Variants in NEK11 observed in about 807,000 individuals in gnomAD.
NEK11 encodes the protein NIMA related kinase 11.
NEK11 carries 72 observed loss-of-function variants against 80.7 expected under a neutral mutation model. The ratio of observed to expected loss-of-function variants is 0.89; its 90% confidence interval spans 0.74 to 1.08. NEK11 has a LOEUF of 1.08. Ranked by LOEUF, NEK11 falls within the 50% of genes least tolerant of loss-of-function variation. The pLI is 0.00. For missense variants in NEK11, 764 were observed against 763.6 expected (o/e 1.00, Z -0.01); for synonymous variants, 251 against 260.7 (o/e 0.96, Z 0.36).
Position 131,228,510 on chromosome 3 carries a change from G to A in NEK11, c.1400-18G>A, listed in dbSNP as rs1381953484. 1 of 1,590,710 alleles carries A rather than the reference G, an allele frequency of 6.3e-7. No homozygotes were observed. The highest frequency in any genetic ancestry group is 2.2e-5 in the East Asian group (1 of 44,722). On this transcript the variant is annotated intron_variant, in intron 14 of 17. Transcript: ENST00000383366. Reference sequence around the variant, plus strand: ...TTTTAATAACTGGTAGTATCTGACTGTTTGTTCATTATTTCAGAGATCCCA... The same window carrying A: ...TTTTAATAACTGGTAGTATCTGACTATTTGTTCATTATTTCAGAGATCCCA...
chr3:131,272,769 C>A (rs995136963), intron 16 of NEK11, among the ~76,000 whole-genome samples: 13 of 152,104 alleles, frequency 8.5e-5, no homozygotes, highest in Non-Finnish European at 1.3e-4. Flanking sequence ...AGCCACTGCA[C>A]CCAACCCAGT....
chr3:131,307,205 T>C (rs2096732136), intron 17 of NEK11, among the ~76,000 whole-genome samples: 1 of 152,186 alleles, frequency 6.6e-6, no homozygotes, highest in Non-Finnish European at 1.5e-5. Context: ...CCAAGTTATA[T>C]CAACTTTCAA....
At chr3:131,184,550 A>G (rs2093516155) in intron 14 of NEK11, among the ~76,000 whole-genome samples, 1 of 152,204 alleles carries the variant, frequency 6.6e-6, no homozygotes. Flanking sequence ...GAAAAATCCT[A>G]TTAAGAACAC....
chr3:131,252,382 C>T (rs920594983), intron 16 of NEK11, among the ~76,000 whole-genome samples: 12 of 152,118 alleles, frequency 7.9e-5, no homozygotes, highest in African/African-American at 2.7e-4. Flanking sequence ...AACAGACATA[C>T]ACATGTCCTT....
chr3:131,035,302 T>C (rs1427368045), intron 3 of NEK11, among the ~76,000 whole-genome samples: 2 of 152,090 alleles, frequency 1.3e-5, no homozygotes, highest in Non-Finnish European at 2.9e-5. Context: ...GAATGAGTCA[T>C]ACTGACAACA....
At chr3:131,220,460 T>C (rs910784307) in intron 14 of NEK11, among the ~76,000 whole-genome samples, 1 of 152,216 alleles carries the variant, frequency 6.6e-6, no homozygotes, top group Non-Finnish European at 1.5e-5. Flanking sequence ...ACTGTAATCA[T>C]TCTAAGCACT....
chr3:131,208,545 T>C (rs1328898644), intron 14 of NEK11, among the ~76,000 whole-genome samples: 5 of 152,206 alleles, frequency 3.3e-5, no homozygotes, highest in Non-Finnish European at 5.9e-5. Context: ...ATCTATAAAT[T>C]ACCTTGGGCA....
intron 14 of NEK11, among the ~76,000 whole-genome samples, chr3:131,191,874 A>G (rs991853319): frequency 3.9e-5 from 6 of 152,118 alleles, no homozygotes; most frequent in Admixed American, 3.9e-4. Flanking sequence ...AGCTCATGAC[A>G]TTGGATATGA....
At chr3:131,295,878 T>C (rs1360373560) in intron 17 of NEK11, among the ~76,000 whole-genome samples, 1 of 152,196 alleles carries the variant, frequency 6.6e-6, no homozygotes, top group Non-Finnish European at 1.5e-5. Flanking sequence ...GTCTCATCTG[T>C]TGCTGAGCTG....
At chr3:131,277,637 G>C (rs773484991) in intron 17 of NEK11, among the ~76,000 whole-genome samples, 1 of 152,332 alleles carries the variant, frequency 6.6e-6, no homozygotes, top group Middle Eastern at 3.4e-3. Flanking sequence ...TCTCTAAACT[G>C]GGGGCCCTGG....
At chr3:131,220,241 T>C (rs559976936) in intron 14 of NEK11, among the ~76,000 whole-genome samples, 4 of 152,336 alleles carry the variant, frequency 2.6e-5, no homozygotes, top group African/African-American at 9.6e-5. Flanking sequence ...GTATTGACTT[T>C]TACCTTATGT....
chr3:131,152,856 C>T (rs931355233), intron 9 of NEK11, 147 bp downstream of exon 9: 18 of 626,556 alleles, frequency 2.9e-5, no homozygotes, highest in South Asian at 2.5e-4. Flanking sequence ...GAGGCCGAGG[C>T]GGATGGATCA....
intron 17 of NEK11, among the ~76,000 whole-genome samples, chr3:131,276,500 C>T (rs1319650243): frequency 6.6e-6 from 1 of 152,064 alleles, no homozygotes; most frequent in Non-Finnish European, 1.5e-5. Context: ...GGGAAGGGGC[C>T]GTGACTGAAC....
rs552612213 is a variant in NEK11, at chr3:131,074,003, C to T, written c.171-6420C>T. Reference sequence around the variant, plus strand: ...ACTCCTCACCCTTTGGGCAGGAGAACTCTGAGGTTAATGTTCTACACTAGC... The same window carrying T: ...ACTCCTCACCCTTTGGGCAGGAGAATTCTGAGGTTAATGTTCTACACTAGC... On this transcript the variant is annotated intron_variant, in intron 3 of 17. Transcript: ENST00000383366. Among the ~76,000 whole-genome samples the T allele has an allele frequency of 3.3e-5, 5 of 152,290 alleles. No homozygotes were observed. The East Asian group carries it at 9.6e-4, about 29-fold the overall frequency.
chr3:131,152,257 T>C, intron 7 of NEK11, 131 bp from the exon 8 acceptor site: 1 of 697,760 alleles, frequency 1.4e-6, no homozygotes. Context: ...GAAACTGCAG[T>C]TTTAAGTCAA....
chr3:131,271,725 G>T (rs565130903), intron 16 of NEK11, among the ~76,000 whole-genome samples: 3 of 149,806 alleles, frequency 2.0e-5, no homozygotes, highest in African/African-American at 7.4e-5. Flanking sequence ...AACCCAGGAG[G>T]TGGAGGATGC....
intron 3 of NEK11, among the ~76,000 whole-genome samples, chr3:131,040,467 C>T (rs1477023167): frequency 6.6e-6 from 1 of 152,038 alleles, no homozygotes; most frequent in Non-Finnish European, 1.5e-5. Flanking sequence ...AAAATATGTG[C>T]AGTGTATTAT....
intron 4 of NEK11, among the ~76,000 whole-genome samples, chr3:131,096,474 G>A (rs2077448362): frequency 6.6e-6 from 1 of 152,102 alleles, no homozygotes. Context: ...TGTGAATAGT[G>A]TGGTGATGAA....
intron 14 of NEK11, among the ~76,000 whole-genome samples, chr3:131,187,003 T>A (rs1229292677): frequency 2.0e-5 from 3 of 152,182 alleles, no homozygotes; most frequent in Non-Finnish European, 2.9e-5. Flanking sequence ...AGTTGGAATA[T>A]GAAGAAATTT....
Sources: gnomAD v4.1 joint callset for allele counts (sites outside exome capture counted in the v4.1 genomes callset) on GRCh38, gnomAD v4.1.1 for gene constraint, MANE v1.5 for transcripts, NCBI Gene and HGNC (gene_info 2026-07-23, HGNC 2026-07-21) for gene names.